CFAP97D2: variants seen among roughly 807,000 people sequenced by gnomAD.
The protein encoded by CFAP97D2 is uncharacterized protein CFAP97D2.
intron 4 of CFAP97D2, among the ~76,000 whole-genome samples, chr13:114,214,770 A>G (rs1240889025): frequency 6.6e-6 from 1 of 152,326 alleles, no homozygotes; most frequent in East Asian, 1.9e-4. Context: ...TTGTTTAAAC[A>G]AAAATGGAGT....
At chr13:114,188,271 CAAAA>C (rs35727895) in intron 1 of CFAP97D2, among the ~76,000 whole-genome samples, 2 of 84,572 alleles carry the variant, frequency 2.4e-5, no homozygotes, top group African/African-American at 3.9e-5. Flanking sequence ...GACCCTGTCT[CAAAA>C]AAAAAAAAAA....
chr13:114,191,699 A>G (rs1023665934), intron 1 of CFAP97D2, among the ~76,000 whole-genome samples: 16 of 152,242 alleles, frequency 1.1e-4, no homozygotes, highest in African/African-American at 3.6e-4. Flanking sequence ...TTACAAAACT[A>G]AACATACTAT....
intron 4 of CFAP97D2, among the ~76,000 whole-genome samples, chr13:114,219,769 G>A (rs1386126979): frequency 6.6e-6 from 1 of 152,228 alleles, no homozygotes; most frequent in Non-Finnish European, 1.5e-5. Context: ...CATTGTCTCT[G>A]AACCTCAAGC....
chr13:114,216,628 T>C (rs1254747902), intron 4 of CFAP97D2, among the ~76,000 whole-genome samples: 1 of 152,212 alleles, frequency 6.6e-6, no homozygotes, highest in African/African-American at 2.4e-5. Context: ...ACTCATCCTT[T>C]TTTATGGCTG....
At chr13:114,195,452 T>C (rs950867219) in intron 1 of CFAP97D2, among the ~76,000 whole-genome samples, 4 of 152,186 alleles carry the variant, frequency 2.6e-5, no homozygotes, top group African/African-American at 9.7e-5. Flanking sequence ...CTTCTCCATG[T>C]GCTGGGGGTT....
intron 1 of CFAP97D2, among the ~76,000 whole-genome samples, chr13:114,182,166 A>C (rs948465209): frequency 3.0e-5 from 4 of 134,616 alleles, no homozygotes; most frequent in Non-Finnish European, 4.8e-5. Flanking sequence ...GAAGGTCAGC[A>C]AAAAACGTGA....
intron 3 of CFAP97D2, among the ~76,000 whole-genome samples, chr13:114,208,368 G>A (rs1192249966): frequency 6.6e-6 from 1 of 152,212 alleles, no homozygotes; most frequent in East Asian, 1.9e-4. Context: ...CCTGAAAGCA[G>A]TGTGCTTAAA....
At position 114,202,421 on chromosome 13, in the gene CFAP97D2, A is replaced by G. The variant is rs541511501; in HGVS notation, c.290+1978A>G. Among the ~76,000 whole-genome samples the G allele has an allele frequency of 1.8e-4, 28 of 152,350 alleles. No individual in the cohort carries two copies. In the South Asian group the frequency reaches 5.6e-3, roughly 30 times the overall value. ...CAAAACTTTTGAAAATGGTTAAAAC[A>G]CAGTCATTTAGAGTCTCTGCTGTAT... On this transcript the variant is annotated intron_variant, in intron 3 of 4. Transcript: ENST00000646158.
At chr13:114,184,199 A>G (rs2080847058) in intron 1 of CFAP97D2, among the ~76,000 whole-genome samples, 1 of 152,230 alleles carries the variant, frequency 6.6e-6, no homozygotes, top group South Asian at 2.1e-4. Flanking sequence ...AAAAGCAAAG[A>G]GAACGAAGTC....
rs1336086728 is a variant in CFAP97D2, at chr13:114,182,696, A to G, written c.90+3276A>G. Among the ~76,000 whole-genome samples, 9 of 152,218 alleles carry G rather than the reference A, an allele frequency of 5.9e-5. No individual in the cohort carries two copies. In the East Asian group the frequency reaches 1.7e-3, roughly 29 times the overall value. On this transcript the variant is annotated intron_variant, in intron 1 of 4. Transcript: ENST00000646158. ...GTATACTGCTTGTAAACGTTTTGTT[A>G]ACAAGGCACGTCCTGCACAGCCCTA...
upstream of CFAP97D2, chr13:114,179,281 G>A: frequency 2.5e-6 from 1 of 398,598 alleles, no homozygotes; most frequent in East Asian, 3.6e-5. The surrounding 1 kb of genome is among the most constrained non-coding windows in gnomAD (Gnocchi z 4.8). Context: ...TCTGCACCAG[G>A]CCCCAGCTGC....
chr13:114,213,752 T>C (rs186660392), intron 4 of CFAP97D2, among the ~76,000 whole-genome samples: 1,233 of 37,898 alleles, frequency 0.033, no homozygotes, highest in Middle Eastern at 0.053. Context: ...ACAGACCCCA[T>C]CCCTGTGGAA....
At chr13:114,194,706 T>C (rs2080879857) in intron 1 of CFAP97D2, among the ~76,000 whole-genome samples, 1 of 141,048 alleles carries the variant, frequency 7.1e-6, no homozygotes. Flanking sequence ...AACTGGCATT[T>C]TGCTGTAAGG....
intron 1 of CFAP97D2, among the ~76,000 whole-genome samples, chr13:114,188,933 GA>G (rs544151945): frequency 6.0e-4 from 90 of 149,748 alleles, no homozygotes; most frequent in African/African-American, 2.0e-3. Flanking sequence ...AATTCTTTGG[GA>G]AAAAAAATCA....
At chr13:114,193,679 T>A (rs546496024) in intron 1 of CFAP97D2, among the ~76,000 whole-genome samples, 1 of 152,388 alleles carries the variant, frequency 6.6e-6, no homozygotes, top group African/African-American at 2.4e-5. Context: ...TATATTTATA[T>A]ATAGCAGTAT....
intron 2 of CFAP97D2, among the ~76,000 whole-genome samples, chr13:114,199,161 T>C (rs9562088): frequency 4.9e-5 from 1 of 20,380 alleles, no homozygotes; most frequent in Non-Finnish European, 7.9e-5. Flanking sequence ...CGTCCCCGTG[T>C]GTACGGTCCC....
chr13:114,184,264 C>G (rs1260144012), intron 1 of CFAP97D2, among the ~76,000 whole-genome samples: 3 of 152,126 alleles, frequency 2.0e-5, no homozygotes, highest in Non-Finnish European at 4.4e-5. Context: ...AAAGGTGTAA[C>G]TTACTTGTAA....
intron 3 of CFAP97D2, among the ~76,000 whole-genome samples, chr13:114,209,684 A>C (rs568844800): frequency 6.6e-6 from 1 of 152,158 alleles, no homozygotes; most frequent in Non-Finnish European, 1.5e-5. Context: ...CACAGTTGTC[A>C]TCCAAGCAGC....
chr13:114,218,447 C>A (rs2081005657), intron 4 of CFAP97D2, among the ~76,000 whole-genome samples: 1 of 152,202 alleles, frequency 6.6e-6, no homozygotes, highest in Non-Finnish European at 1.5e-5. Flanking sequence ...AATGGCCATA[C>A]TGCCCAAGGT....
Sources: allele counts gnomAD v4.1 joint callset (sites outside exome capture counted in the v4.1 genomes callset), GRCh38; gene constraint gnomAD v4.1.1; non-coding constraint Gnocchi (gnomAD v3.1); transcripts MANE v1.5; gene names NCBI Gene and HGNC (gene_info 2026-07-23, HGNC 2026-07-21).